The following FHIT variants were observed in gnomAD, a reference collection of about 807,000 sequenced individuals.
FHIT encodes bis(5'-adenosyl)-triphosphatase.
FHIT carries 19 observed loss-of-function variants against 17.9 expected under a neutral mutation model. The observed-to-expected ratio is 1.06, with a 90% CI of 0.74 to 1.56. FHIT has a LOEUF of 1.56. FHIT is among the 40% of genes most tolerant of loss of function. The pLI is 0.00. For synonymous variants in FHIT, 81 were observed against 69.7 expected (o/e 1.16, Z -0.81); for missense variants, 248 against 189.2 (o/e 1.31, Z -1.82).
intron 5 of FHIT, among the ~76,000 whole-genome samples, chr3:60,248,195 C>CCACT (rs372752137): frequency 8.5e-5 from 13 of 152,230 alleles, no homozygotes; most frequent in African/African-American, 2.9e-4. Flanking sequence ...AGTTCAAAAT[C>CCACT]CACTCCCTAG....
At chr3:59,932,154 C>A (rs566152389) in intron 7 of FHIT, among the ~76,000 whole-genome samples, 65 of 152,274 alleles carry the variant, frequency 4.3e-4, no homozygotes, top group African/African-American at 1.5e-3. Context: ...ATCCATTTTG[C>A]CAATCAATTT....
intron 4 of FHIT, among the ~76,000 whole-genome samples, chr3:60,588,347 A>G (rs2037972102): frequency 6.6e-6 from 1 of 152,078 alleles, no homozygotes; most frequent in Admixed American, 6.6e-5. Context: ...TAAAGGAAGA[A>G]CAAACAGTCA....
At chr3:59,816,130 T>TGA (rs1469705241) in intron 8 of FHIT, among the ~76,000 whole-genome samples, 6 of 152,036 alleles carry the variant, frequency 3.9e-5, no homozygotes, top group Non-Finnish European at 1.5e-5. Flanking sequence ...TCACAGAGAG[T>TGA]GACAGCCAAG....
chr3:61,031,890 G>C (rs901718259), intron 3 of FHIT, among the ~76,000 whole-genome samples: 2 of 152,198 alleles, frequency 1.3e-5, no homozygotes, highest in African/African-American at 4.8e-5. Flanking sequence ...GGAAAATAAA[G>C]TAAGTTCACC....
chr3:59,957,129 C>G (rs1707444443), intron 7 of FHIT, among the ~76,000 whole-genome samples: 1 of 152,164 alleles, frequency 6.6e-6, no homozygotes, highest in Non-Finnish European at 1.5e-5. Context: ...TGTTGAAGCC[C>G]TCATCCCCAG....
At chr3:59,941,545 C>T (rs1368857295) in intron 7 of FHIT, among the ~76,000 whole-genome samples, 1 of 152,138 alleles carries the variant, frequency 6.6e-6, no homozygotes, top group Non-Finnish European at 1.5e-5. Context: ...GTTGTGGGTA[C>T]TGTGTAGTTA....
At chr3:59,900,917 C>A (rs1378697129) in intron 8 of FHIT, among the ~76,000 whole-genome samples, 1 of 152,100 alleles carries the variant, frequency 6.6e-6, no homozygotes, top group African/African-American at 2.4e-5. Flanking sequence ...CCCGGCCAGG[C>A]CACACTGTTT....
chr3:59,978,450 C>A (rs953510094), intron 7 of FHIT, among the ~76,000 whole-genome samples: 1 of 151,438 alleles, frequency 6.6e-6, no homozygotes, highest in Non-Finnish European at 1.5e-5. Context: ...TTAGTTATAC[C>A]CATGATGTAA....
At chr3:61,056,769 A>G (rs780716796) in intron 2 of FHIT, among the ~76,000 whole-genome samples, 1 of 152,124 alleles carries the variant, frequency 6.6e-6, no homozygotes, top group African/African-American at 2.4e-5. Context: ...TTTTGGTTTT[A>G]TTTAGATAAT....
chr3:61,207,281 T>C (rs1349339501), intron 1 of FHIT, among the ~76,000 whole-genome samples: 1 of 152,124 alleles, frequency 6.6e-6, no homozygotes, highest in Non-Finnish European at 1.5e-5. Flanking sequence ...TAAAATTCTC[T>C]TTTTTTGTTG....
intron 4 of FHIT, among the ~76,000 whole-genome samples, chr3:60,571,114 G>C (rs2037363562): frequency 6.6e-6 from 1 of 151,928 alleles, no homozygotes; most frequent in African/African-American, 2.4e-5. Flanking sequence ...GATCACATGA[G>C]GTCAGGTGTT....
At chr3:60,369,729 C>T (rs921258621) in intron 5 of FHIT, among the ~76,000 whole-genome samples, 5 of 152,076 alleles carry the variant, frequency 3.3e-5, no homozygotes, top group Non-Finnish European at 5.9e-5. Context: ...ACACTGGCTG[C>T]GACAGGACTC....
intron 5 of FHIT, among the ~76,000 whole-genome samples, chr3:60,192,674 C>G (rs1702458772): frequency 1.3e-5 from 2 of 152,154 alleles, no homozygotes; most frequent in African/African-American, 4.8e-5. Context: ...ATGCTGCTTA[C>G]CTGCCCAGGA....
intron 5 of FHIT, among the ~76,000 whole-genome samples, chr3:60,267,101 A>G (rs530396384): frequency 7.8e-4 from 119 of 152,186 alleles, no homozygotes; most frequent in African/African-American, 2.8e-3. Flanking sequence ...AGGGAAGACT[A>G]GTGATATTAG....
At chr3:61,014,807 A>AAAATATATATAT (rs1553798839) in intron 3 of FHIT, among the ~76,000 whole-genome samples, 4 of 49,118 alleles carry the variant, frequency 8.1e-5, no homozygotes, top group African/African-American at 2.2e-4. Context: ...AAAAAAAAAA[A>AAAATATATATAT]ATATATATAT....
At chr3:60,389,019 G>T (rs894407646) in intron 5 of FHIT, among the ~76,000 whole-genome samples, 2 of 152,176 alleles carry the variant, frequency 1.3e-5, no homozygotes, top group Non-Finnish European at 2.9e-5. Flanking sequence ...TCGTCTGGCT[G>T]TAAGTTCCTG....
At chr3:60,258,048 A>C (rs1706095130) in intron 5 of FHIT, among the ~76,000 whole-genome samples, 1 of 141,694 alleles carries the variant, frequency 7.1e-6, no homozygotes, top group African/African-American at 2.7e-5. Flanking sequence ...CCCTGAACTT[A>C]AAAGTTGGAA....
intron 7 of FHIT, among the ~76,000 whole-genome samples, chr3:59,976,123 A>T (rs1013137675): frequency 6.6e-6 from 1 of 152,100 alleles, no homozygotes; most frequent in African/African-American, 2.4e-5. Flanking sequence ...TAGGGTTGCC[A>T]TGAAGATAAA....
intron 4 of FHIT, among the ~76,000 whole-genome samples, chr3:60,655,914 C>A (rs564758524): frequency 6.6e-6 from 1 of 152,172 alleles, no homozygotes; most frequent in African/African-American, 2.4e-5. Flanking sequence ...AGTGACTCCA[C>A]GTTTTGGCTA....
Sources: gnomAD v4.1 joint callset for allele counts (sites outside exome capture counted in the v4.1 genomes callset) on GRCh38, gnomAD v4.1.1 for gene constraint, MANE v1.5 for transcripts, NCBI Gene and HGNC (gene_info 2026-07-23, HGNC 2026-07-21) for gene names.